GNAO1: variants seen among roughly 807,000 people sequenced by gnomAD.
The protein encoded by GNAO1 is guanine nucleotide-binding protein G(o) subunit alpha.
For missense variants in GNAO1, 166 were observed against 478.7 expected (o/e 0.35, Z 6.10); for synonymous variants, 164 against 180.7 (o/e 0.91, Z 0.74).
intron 2 of GNAO1, among the ~76,000 whole-genome samples, chr16:56,265,520 T>C (rs565087166): frequency 2.0e-5 from 3 of 152,304 alleles, no homozygotes; most frequent in Non-Finnish European, 4.4e-5. Flanking sequence ...AAAATAATAC[T>C]CGTGCGGACT....
chr16:56,343,559 T>C (rs1403290543), intron 6 of GNAO1, among the ~76,000 whole-genome samples: 1 of 152,116 alleles, frequency 6.6e-6, no homozygotes, highest in Non-Finnish European at 1.5e-5. Flanking sequence ...TCATGACTTT[T>C]ACACTGGATC....
chr16:56,207,708 A>G (rs2036343758), intron 2 of GNAO1, among the ~76,000 whole-genome samples: 1 of 152,222 alleles, frequency 6.6e-6, no homozygotes, highest in South Asian at 2.1e-4. Context: ...CTCTGCCCCT[A>G]CAGGTAATAA....
intron 6 of GNAO1, chr16:56,344,185 C>G: frequency 2.1e-6 from 3 of 1,419,878 alleles, no homozygotes; most frequent in Non-Finnish European, 1.8e-6. Flanking sequence ...GGAGACTCCA[C>G]GCTCACAGCC....
intron 2 of GNAO1, among the ~76,000 whole-genome samples, chr16:56,228,156 C>T (rs10163335): frequency 0.14 from 21,349 of 152,078 alleles, 2,003 homozygotes; most frequent in African/African-American, 0.26. Flanking sequence ...AAAAGGGAGG[C>T]CAGCCTGCAT....
chr16:56,281,334 C>T (rs1567467683), intron 3 of GNAO1, among the ~76,000 whole-genome samples: 1 of 152,136 alleles, frequency 6.6e-6, no homozygotes, highest in Non-Finnish European at 1.5e-5. Flanking sequence ...TGTTCTCAAA[C>T]ATCCTCTCCT....
rs536426100 is a variant in GNAO1, at chr16:56,354,123, G to A, written c.878-743G>A. Among the ~76,000 whole-genome samples the A allele has an allele frequency of 2.0e-5, 3 of 152,316 alleles. No individual in the cohort carries two copies. The South Asian group carries it at 6.2e-4, about 32-fold the overall frequency. ...CCCTCTGAGTGCCCACCACCCTCTT[G>A]GGCAGGCCCCTCTCCAGACTTTGTT... On this transcript the variant is annotated intron_variant, in intron 7 of 8. Coordinates refer to ENST00000262493, the MANE Select transcript of GNAO1 (RefSeq NM_020988.3). The surrounding 1 kb of genome is among the most constrained non-coding windows in gnomAD (Gnocchi z 4.3).
intron 6 of GNAO1, chr16:56,346,179 G>A (rs1322685050): frequency 1.4e-5 from 14 of 985,242 alleles, no homozygotes; most frequent in East Asian, 1.1e-4. Context: ...AGGGGTATCC[G>A]GGGAGAAATT....
intron 3 of GNAO1, among the ~76,000 whole-genome samples, chr16:56,324,743 G>A (rs1408601185): frequency 6.6e-6 from 1 of 152,238 alleles, no homozygotes; most frequent in Admixed American, 6.5e-5. Flanking sequence ...CAGACCCCAC[G>A]GGCTGGGTTG....
At chr16:56,243,504 A>G (rs1007684002) in intron 2 of GNAO1, among the ~76,000 whole-genome samples, 11 of 152,248 alleles carry the variant, frequency 7.2e-5, no homozygotes, top group Non-Finnish European at 1.3e-4. Context: ...AAAAATGGGC[A>G]AAGGATCTGA....
intron 3 of GNAO1, among the ~76,000 whole-genome samples, chr16:56,289,925 G>A (rs1346365801): frequency 2.6e-5 from 4 of 152,044 alleles, no homozygotes; most frequent in Non-Finnish European, 5.9e-5. Flanking sequence ...CTCCCACCCC[G>A]TAATCTGTGC....
chr16:56,228,674 T>C (rs773990357), intron 2 of GNAO1, among the ~76,000 whole-genome samples: 2 of 152,206 alleles, frequency 1.3e-5, no homozygotes, highest in East Asian at 3.9e-4. Flanking sequence ...AAGAGCTTCA[T>C]GTTCAGAAAA....
chr16:56,294,102 A>G (rs577408637), intron 3 of GNAO1, among the ~76,000 whole-genome samples: 1 of 152,300 alleles, frequency 6.6e-6, no homozygotes, highest in Non-Finnish European at 1.5e-5. Context: ...CAGCAGAGCC[A>G]TGTGCTGACC....
chr16:56,300,238 G>C (rs1205252261), intron 3 of GNAO1, among the ~76,000 whole-genome samples: 1 of 152,134 alleles, frequency 6.6e-6, no homozygotes, highest in Non-Finnish European at 1.5e-5. Context: ...TAAGCTGCTA[G>C]CTGAGGCCTC....
intron 6 of GNAO1, chr16:56,344,770 G>A (rs1198121600): frequency 3.0e-6 from 3 of 985,382 alleles, no homozygotes; most frequent in East Asian, 2.3e-4. Context: ...CAGTCACCAG[G>A]AGCTCGGATG....
chr16:56,237,136 C>A (rs536785443), intron 2 of GNAO1, among the ~76,000 whole-genome samples: 11 of 152,286 alleles, frequency 7.2e-5, no homozygotes, highest in African/African-American at 1.9e-4. Flanking sequence ...GTATTTTATT[C>A]TTTTGTTTTC....
chr16:56,293,609 G>A (rs530155214), intron 3 of GNAO1, among the ~76,000 whole-genome samples: 6 of 152,298 alleles, frequency 3.9e-5, no homozygotes, highest in African/African-American at 1.2e-4. Context: ...TAAATGGTAC[G>A]TGGATAAACC....
chr16:56,266,082 C>T (rs905618776), intron 2 of GNAO1, among the ~76,000 whole-genome samples: 1 of 152,202 alleles, frequency 6.6e-6, no homozygotes, highest in African/African-American at 2.4e-5. Context: ...TCTACCCTTC[C>T]CCACTAACTA....
Position 56,261,468 on chromosome 16 carries a change from C to T in GNAO1, c.162-14463C>T, listed in dbSNP as rs113710278. ...TGGTGTATTGGTGTCCTTCTCTGCC[C>T]AATCACATGGCAAGGAGAAGAAAAA... On this transcript the variant is annotated intron_variant, in intron 2 of 8. Transcript: ENST00000262493. Among the ~76,000 whole-genome samples, 1,494 of 152,194 alleles carry T rather than the reference C, an allele frequency of 9.8e-3. 17 individuals carry two copies. Among genetic ancestry groups the T allele is most frequent in the Non-Finnish European group, 0.014 (960 of 68,012 alleles).
intron 3 of GNAO1, among the ~76,000 whole-genome samples, chr16:56,317,345 G>A (rs139996343): frequency 0.011 from 1,621 of 152,322 alleles, 12 homozygotes; most frequent in Non-Finnish European, 0.016. Flanking sequence ...CCTCCACCCC[G>A]ATGTGTTCAA....
Sources: gnomAD v4.1 joint callset for allele counts (sites outside exome capture counted in the v4.1 genomes callset) on GRCh38, gnomAD v4.1.1 for gene constraint, Gnocchi (gnomAD v3.1) non-coding constraint, MANE v1.5 for transcripts, NCBI Gene and HGNC (gene_info 2026-07-23, HGNC 2026-07-21) for gene names.